The following ESRRG variants were observed in gnomAD, a reference collection of about 807,000 sequenced individuals.
The protein encoded by ESRRG is estrogen-related receptor gamma.
A neutral mutation model predicts 44.0 loss-of-function variants in ESRRG; 13 were observed. The observed-to-expected ratio is 0.30, with a 90% CI of 0.19 to 0.47. The LOEUF (loss-of-function observed/expected upper bound fraction) is 0.47, where lower values mean the gene tolerates loss of function less well. Ranked by LOEUF, ESRRG falls within the 20% of genes least tolerant of loss-of-function variation. The pLI, the probability that ESRRG is intolerant of heterozygous loss-of-function variation, is 1.00. For missense variants in ESRRG, 395 were observed against 580.6 expected (o/e 0.68, Z 3.29); for synonymous variants, 215 against 214.6 (o/e 1.00, Z -0.02).
chr1:216,705,442 C>T (rs776579167), intron 1 of ESRRG, among the ~76,000 whole-genome samples: 1 of 152,076 alleles, frequency 6.6e-6, no homozygotes, highest in Non-Finnish European at 1.5e-5. Context: ...AAAGGACACA[C>T]AGTTGTTTTA....
chr1:216,525,222 GTTT>G (rs1222474636), intron 5 of ESRRG, among the ~76,000 whole-genome samples: 3 of 152,118 alleles, frequency 2.0e-5, no homozygotes, highest in Non-Finnish European at 4.4e-5. Context: ...GTGAGTGGGA[GTTT>G]TTTTTAACAA....
intron 5 of ESRRG, among the ~76,000 whole-genome samples, chr1:216,549,444 G>A (rs1053865831): frequency 5.9e-5 from 9 of 151,972 alleles, no homozygotes; most frequent in African/African-American, 2.2e-4. Context: ...GACAATTTCT[G>A]CAAATAAATA....
chr1:216,504,284 C>G lies in ESRRG; in HGVS notation c.*2655G>C, dbSNP rs1456482869. 3 of 152,230 alleles carry G rather than the reference C, an allele frequency of 2.0e-5. No individual in the cohort carries two copies. The highest frequency in any genetic ancestry group is 4.4e-5 in the Non-Finnish European group (3 of 67,970). The allele number at this position is 152,230 out of a possible 1,614,324, so 9.4% of individuals were successfully genotyped here. A position where few individuals can be genotyped will look rare whatever the true frequency, so the allele number is the denominator to read the frequency against. On this transcript the variant is annotated 3_prime_UTR_variant, in exon 7 of 7. Coordinates refer to ENST00000408911, the MANE Select transcript of ESRRG (RefSeq NM_001438.4). ...TTCTGGAAAATAATCTTTTTAAACA[C>G]TTACATATATAAATAATCTTATAGA...
At chr1:216,924,884 T>C (rs915317460) in intron 2 of ESRRG, among the ~76,000 whole-genome samples, 2 of 152,162 alleles carry the variant, frequency 1.3e-5, no homozygotes, top group Admixed American at 1.3e-4. Context: ...TAGCCTGACT[T>C]ACTCCATAGA....
At chr1:217,070,114 G>A (rs2090366762) in intron 1 of ESRRG, among the ~76,000 whole-genome samples, 1 of 152,124 alleles carries the variant, frequency 6.6e-6, no homozygotes, top group Non-Finnish European at 1.5e-5. Flanking sequence ...CCAGGAAGTG[G>A]GGGTAAAATG....
chr1:216,723,499 T>A, upstream of ESRRG: 1 of 561,630 alleles, frequency 1.8e-6, no homozygotes, highest in Non-Finnish European at 3.2e-6. Context: ...GCTTTACATA[T>A]GCAGTCCCAC....
At chr1:216,520,876 C>T (rs2045885054) in intron 5 of ESRRG, among the ~76,000 whole-genome samples, 1 of 152,272 alleles carries the variant, frequency 6.6e-6, no homozygotes, top group African/African-American at 2.4e-5. Flanking sequence ...TGTTGCTGTC[C>T]TTTTCAATCA....
intron 1 of ESRRG, among the ~76,000 whole-genome samples, chr1:217,011,681 C>T (rs1465142787): frequency 6.6e-6 from 1 of 152,112 alleles, no homozygotes; most frequent in African/African-American, 2.4e-5. Flanking sequence ...TATGCACAAA[C>T]ACACACCTCA....
At chr1:216,835,343 G>A (rs66694216) in intron 2 of ESRRG, among the ~76,000 whole-genome samples, 24,551 of 152,130 alleles carry the variant, frequency 0.16, 2,193 homozygotes, top group African/African-American at 0.21. Flanking sequence ...AGTGACGTAC[G>A]GAAATCGGAA....
At chr1:216,867,366 C>T (rs1384940187) in intron 2 of ESRRG, among the ~76,000 whole-genome samples, 6 of 152,158 alleles carry the variant, frequency 3.9e-5, no homozygotes, top group Non-Finnish European at 8.8e-5. Context: ...AGAAAGTCAA[C>T]CCAAATGTCA....
At chr1:216,545,512 A>G (rs1572691959) in intron 5 of ESRRG, among the ~76,000 whole-genome samples, 1 of 152,080 alleles carries the variant, frequency 6.6e-6, no homozygotes. Context: ...TAAAAGACTT[A>G]CCTATTAAAA....
At chr1:216,584,477 C>T (rs2063393143) in intron 3 of ESRRG, among the ~76,000 whole-genome samples, 2 of 152,038 alleles carry the variant, frequency 1.3e-5, no homozygotes, top group South Asian at 2.1e-4. Context: ...AGGATGGTCT[C>T]GATCTCCTGA....
At chr1:217,077,350 G>A (rs897783949) in intron 1 of ESRRG, among the ~76,000 whole-genome samples, 3 of 152,180 alleles carry the variant, frequency 2.0e-5, no homozygotes, top group African/African-American at 4.8e-5. Context: ...GCTTTTATTG[G>A]TTGGAGTTAA....
intron 2 of ESRRG, among the ~76,000 whole-genome samples, chr1:216,840,930 G>A (rs76310973): frequency 1.3e-5 from 2 of 152,098 alleles, no homozygotes; most frequent in African/African-American, 4.8e-5. Flanking sequence ...GGGAAAGTTT[G>A]AAATACAGCA....
chr1:216,854,131 G>T (rs2095881344), intron 2 of ESRRG, among the ~76,000 whole-genome samples: 1 of 151,906 alleles, frequency 6.6e-6, no homozygotes, highest in Non-Finnish European at 1.5e-5. Context: ...GGCTGAAGCG[G>T]GTGGATCATG....
At chr1:216,591,331 A>ATGCTGGAAGGTGGTG (rs1463472417) in intron 3 of ESRRG, among the ~76,000 whole-genome samples, 1 of 152,172 alleles carries the variant, frequency 6.6e-6, no homozygotes, top group Non-Finnish European at 1.5e-5. Flanking sequence ...ACACATCAAC[A>ATGCTGGAAGGTGGTG]TGCTGGAAGG....
chr1:216,690,627 T>G (rs537413580), intron 1 of ESRRG, among the ~76,000 whole-genome samples: 17 of 152,122 alleles, frequency 1.1e-4, no homozygotes, highest in Non-Finnish European at 2.5e-4. Flanking sequence ...TAAAAAAAAT[T>G]TTAAACAATG....
At chr1:216,730,126 C>A (rs531177172) in intron 2 of ESRRG, among the ~76,000 whole-genome samples, 1 of 151,908 alleles carries the variant, frequency 6.6e-6, no homozygotes, top group Non-Finnish European at 1.5e-5. Context: ...TCGTTAGCAA[C>A]AAGCCACCAA....
chr1:216,933,892 C>A (rs997771728), intron 2 of ESRRG, among the ~76,000 whole-genome samples: 16 of 152,136 alleles, frequency 1.1e-4, no homozygotes, highest in African/African-American at 2.9e-4. Context: ...TCTGCTCCCC[C>A]ATCTTCCCTC....
Sources: allele counts gnomAD v4.1 joint callset (sites outside exome capture counted in the v4.1 genomes callset), GRCh38; gene constraint gnomAD v4.1.1; transcripts MANE v1.5; gene names NCBI Gene and HGNC (gene_info 2026-07-23, HGNC 2026-07-21).